Variants in DLGAP2 observed in about 807,000 individuals in gnomAD.
The protein encoded by DLGAP2 is disks large-associated protein 2.
Under a neutral mutation model 100.3 loss-of-function variants are expected in DLGAP2, and 26 were observed. The ratio of observed to expected loss-of-function variants is 0.26; its 90% CI spans 0.19 to 0.36. The LOEUF (loss-of-function observed/expected upper bound fraction) is 0.36. Among genes scored for constraint, DLGAP2 ranks in the 10% least tolerant of loss-of-function variants. The probability of loss-of-function intolerance (pLI) is 1.00; values close to 1 mark genes in which losing one functional copy is unlikely to be tolerated. For synonymous variants in DLGAP2, 886 were observed against 630.1 expected (o/e 1.41, Z -6.08); for missense variants, 1,858 against 1,453.2 (o/e 1.28, Z -4.53).
At chr8:1,581,803 C>T (rs1289821683) in intron 6 of DLGAP2, among the ~76,000 whole-genome samples, 4 of 151,744 alleles carry the variant, frequency 2.6e-5, no homozygotes, top group African/African-American at 9.7e-5. Context: ...AACCCCCACA[C>T]ACGTCTACAC....
intron 4 of DLGAP2, among the ~76,000 whole-genome samples, chr8:1,511,007 A>G (rs778608058): frequency 1.3e-5 from 2 of 152,200 alleles, no homozygotes; most frequent in Non-Finnish European, 2.9e-5. Context: ...AGAATGTTCC[A>G]TTTTCTCAAA....
intron 1 of DLGAP2, among the ~76,000 whole-genome samples, chr8:837,696 T>C (rs1183147910): frequency 6.8e-6 from 1 of 147,802 alleles, no homozygotes; most frequent in Non-Finnish European, 1.5e-5. Context: ...GTATATAATA[T>C]GTATATATAA....
At chr8:1,081,738 C>T (rs780514635) in intron 2 of DLGAP2, among the ~76,000 whole-genome samples, 7 of 152,116 alleles carry the variant, frequency 4.6e-5, no homozygotes, top group Non-Finnish European at 8.8e-5. Flanking sequence ...TTCCTATAGG[C>T]AGGGCACCCA....
chr8:1,623,477 C>G (rs1192763719), intron 6 of DLGAP2, among the ~76,000 whole-genome samples: 1 of 152,064 alleles, frequency 6.6e-6, no homozygotes. Flanking sequence ...TGACCTGACA[C>G]CAGTGCACGA....
chr8:1,001,747 C>T (rs1800962561), intron 2 of DLGAP2, among the ~76,000 whole-genome samples: 1 of 152,190 alleles, frequency 6.6e-6, no homozygotes, highest in African/African-American at 2.4e-5. Flanking sequence ...AACGTACACA[C>T]ACATTTGAAT....
intron 4 of DLGAP2, among the ~76,000 whole-genome samples, chr8:1,514,831 G>C (rs191873206): frequency 6.6e-6 from 1 of 152,164 alleles, no homozygotes; most frequent in East Asian, 1.9e-4. Flanking sequence ...GGAGGGTGGC[G>C]CTCAGCGTGA....
intron 8 of DLGAP2, among the ~76,000 whole-genome samples, chr8:1,665,462 C>G (rs897033375): frequency 1.8e-4 from 27 of 152,190 alleles, no homozygotes; most frequent in African/African-American, 6.3e-4. Flanking sequence ...TTAGGTGAAC[C>G]TCGCTGGGAA....
At chr8:1,513,021 A>G (rs550541668) in intron 4 of DLGAP2, among the ~76,000 whole-genome samples, 101 of 138,822 alleles carry the variant, frequency 7.3e-4, no homozygotes, top group Middle Eastern at 4.6e-3. Context: ...CCCAGTGCAG[A>G]GGAGGATGGA....
At chr8:1,605,914 AG>A (rs1173721478) in intron 6 of DLGAP2, among the ~76,000 whole-genome samples, 1 of 152,224 alleles carries the variant, frequency 6.6e-6, no homozygotes, top group Non-Finnish European at 1.5e-5. Context: ...CTCAAATCTC[AG>A]CTCGAGCTCG....
intron 1 of DLGAP2, among the ~76,000 whole-genome samples, chr8:810,427 G>C (rs968780005): frequency 1.3e-5 from 2 of 152,180 alleles, no homozygotes; most frequent in African/African-American, 4.8e-5. Flanking sequence ...TAAAACAATA[G>C]CAGATATGAA....
At position 743,891 on chromosome 8, in the gene DLGAP2, C is replaced by T. The variant is rs192909087; in HGVS notation, c.18+6066C>T. On this transcript the variant is annotated intron_variant, in intron 1 of 14. Coordinates refer to ENST00000637795, the MANE Select transcript of DLGAP2 (RefSeq NM_001346810.2). ...TTTGCTGGTATTTGCATGTGATTTCCGTGGCCGGGTCTTCATGTCTGGATC... is the reference window on the plus strand; with the variant it reads ...TTTGCTGGTATTTGCATGTGATTTCTGTGGCCGGGTCTTCATGTCTGGATC... Among the ~76,000 whole-genome samples the T allele has an allele frequency of 3.9e-5, 6 of 152,362 alleles. No homozygotes were observed. The East Asian group carries it at 7.7e-4, about 20-fold the overall frequency.
intron 3 of DLGAP2, among the ~76,000 whole-genome samples, chr8:1,409,794 T>C (rs112560039): frequency 0.013 from 1,985 of 152,162 alleles, 45 homozygotes; most frequent in African/African-American, 0.045. Context: ...ACCTTCATCT[T>C]CTCCTGCCCT....
intron 2 of DLGAP2, among the ~76,000 whole-genome samples, chr8:1,005,361 A>G (rs1294225216): frequency 6.6e-6 from 1 of 150,532 alleles, no homozygotes; most frequent in African/African-American, 2.4e-5. Flanking sequence ...CCCGTCAAAT[A>G]GTTGATGCCC....
chr8:1,050,884 G>A (rs1381562447), intron 2 of DLGAP2, among the ~76,000 whole-genome samples: 2 of 151,752 alleles, frequency 1.3e-5, no homozygotes, highest in Non-Finnish European at 2.9e-5. Context: ...ATGAGCTTGT[G>A]TGACCTATGG....
At chr8:1,176,840 C>G (rs1268159111) in intron 2 of DLGAP2, among the ~76,000 whole-genome samples, 2 of 152,168 alleles carry the variant, frequency 1.3e-5, no homozygotes, top group African/African-American at 2.4e-5. Context: ...CCTCTGGCTT[C>G]TTTCCACCCT....
At chr8:1,105,660 T>C (rs1194610505) in intron 2 of DLGAP2, among the ~76,000 whole-genome samples, 3 of 150,398 alleles carry the variant, frequency 2.0e-5, no homozygotes, top group Non-Finnish European at 4.4e-5. Flanking sequence ...TAGGAGGGTT[T>C]TCTACTGAAG....
intron 3 of DLGAP2, among the ~76,000 whole-genome samples, chr8:1,261,470 C>G (rs907451521): frequency 1.3e-5 from 2 of 150,350 alleles, no homozygotes; most frequent in Non-Finnish European, 3.0e-5. Flanking sequence ...ATCTTTAAAA[C>G]GAGACAGACT....
intron 2 of DLGAP2, among the ~76,000 whole-genome samples, chr8:914,177 G>A (rs1038830290): frequency 6.6e-6 from 1 of 152,206 alleles, no homozygotes; most frequent in East Asian, 1.9e-4. Context: ...CATACGATGT[G>A]ATTCACGCAG....
chr8:780,805 T>C (rs1821662194), intron 1 of DLGAP2, among the ~76,000 whole-genome samples: 1 of 152,266 alleles, frequency 6.6e-6, no homozygotes, highest in Admixed American at 6.5e-5. Context: ...GCTGGTGCCC[T>C]GTGGCCAGGT....
Sources: gnomAD v4.1 joint callset for allele counts (sites outside exome capture counted in the v4.1 genomes callset) on GRCh38, gnomAD v4.1.1 for gene constraint, MANE v1.5 for transcripts, NCBI Gene and HGNC (gene_info 2026-07-23, HGNC 2026-07-21) for gene names.